The following GALNTL6 variants were observed in gnomAD, a reference collection of about 807,000 sequenced individuals.
GALNTL6 encodes the protein polypeptide N-acetylgalactosaminyltransferase-like 6.
Under a neutral mutation model 73.7 loss-of-function variants are expected in GALNTL6, and 46 were observed. The observed-to-expected ratio is 0.62, with a 90% CI of 0.49 to 0.80. GALNTL6 has a LOEUF of 0.80. Among genes scored for constraint, GALNTL6 ranks in the 30% least tolerant of loss-of-function variants. GALNTL6 has a pLI of 0.00. For synonymous variants in GALNTL6, 259 were observed against 263.7 expected (o/e 0.98, Z 0.17); for missense variants, 604 against 755.0 (o/e 0.80, Z 2.34).
At chr4:172,764,041 C>A (rs1470209486) in intron 5 of GALNTL6, among the ~76,000 whole-genome samples, 6 of 150,436 alleles carry the variant, frequency 4.0e-5, no homozygotes, top group African/African-American at 1.5e-4. Context: ...TCACAGCAAC[C>A]TCCATGTCCT....
intron 2 of GALNTL6, among the ~76,000 whole-genome samples, chr4:171,929,449 A>G (rs1380302453): frequency 1.3e-5 from 2 of 152,192 alleles, no homozygotes; most frequent in African/African-American, 4.8e-5. Flanking sequence ...ACAAGGGCCA[A>G]CTAGACTTGC....
intron 3 of GALNTL6, 65 bp from the exon 4 acceptor site, chr4:172,311,549 A>G (rs986767683): frequency 1.5e-5 from 21 of 1,360,724 alleles, no homozygotes; most frequent in Admixed American, 1.1e-4. Context: ...CAGTCTTCCT[A>G]TCTGTTCTAG....
At chr4:172,782,671 G>A (rs969340880) in intron 5 of GALNTL6, among the ~76,000 whole-genome samples, 7 of 152,052 alleles carry the variant, frequency 4.6e-5, no homozygotes, top group Admixed American at 3.9e-4. Context: ...TCTTCACACG[G>A]CTTCTTCGAA....
intron 2 of GALNTL6, among the ~76,000 whole-genome samples, chr4:172,168,546 A>T (rs1734706576): frequency 6.6e-6 from 1 of 151,990 alleles, no homozygotes. Flanking sequence ...GTTGATCAAG[A>T]TGGTGATGGT....
chr4:172,492,357 C>A (rs1733927841), intron 5 of GALNTL6, among the ~76,000 whole-genome samples: 1 of 152,090 alleles, frequency 6.6e-6, no homozygotes, highest in African/African-American at 2.4e-5. Flanking sequence ...CAGAAACTCA[C>A]ACTTCTGTCA....
chr4:173,006,241 G>C (rs1752281392), intron 10 of GALNTL6, among the ~76,000 whole-genome samples: 1 of 152,176 alleles, frequency 6.6e-6, no homozygotes, highest in South Asian at 2.1e-4. Context: ...CAAGTAGAGA[G>C]AAAAATAGTG....
intron 10 of GALNTL6, among the ~76,000 whole-genome samples, chr4:172,960,430 A>T (rs569885701): frequency 6.6e-6 from 1 of 152,346 alleles, no homozygotes; most frequent in South Asian, 2.1e-4. Flanking sequence ...GCAGAGGCTA[A>T]GGAAGAATTG....
intron 5 of GALNTL6, among the ~76,000 whole-genome samples, chr4:172,804,454 A>G (rs1006603970): frequency 6.6e-6 from 1 of 152,232 alleles, no homozygotes; most frequent in Non-Finnish European, 1.5e-5. Flanking sequence ...ATAGAAATCC[A>G]TATCTCCAGA....
At chr4:172,862,610 G>A (rs770799989) in intron 7 of GALNTL6, among the ~76,000 whole-genome samples, 6 of 152,130 alleles carry the variant, frequency 3.9e-5, no homozygotes, top group Non-Finnish European at 8.8e-5. Flanking sequence ...TGAGGCAGAA[G>A]AATCGCTTGA....
intron 2 of GALNTL6, among the ~76,000 whole-genome samples, chr4:172,005,679 G>T (rs1740822460): frequency 6.6e-6 from 1 of 151,934 alleles, no homozygotes; most frequent in South Asian, 2.1e-4. Context: ...TAAGGAACAT[G>T]GTCTAAGCTA....
chr4:172,796,176 C>CT (rs1264329403), intron 5 of GALNTL6, among the ~76,000 whole-genome samples: 1 of 151,792 alleles, frequency 6.6e-6, no homozygotes, highest in African/African-American at 2.4e-5. Context: ...ACATAATTCC[C>CT]TGTATTAAGT....
intron 2 of GALNTL6, among the ~76,000 whole-genome samples, chr4:172,213,161 A>G (rs779561557): frequency 1.4e-4 from 21 of 152,066 alleles, no homozygotes; most frequent in Non-Finnish European, 2.4e-4. Flanking sequence ...CATTGTATAG[A>G]TGTTCCAATT....
chr4:172,197,221 G>A (rs1380927061), intron 2 of GALNTL6, among the ~76,000 whole-genome samples: 2 of 151,796 alleles, frequency 1.3e-5, no homozygotes, highest in African/African-American at 2.4e-5. Context: ...ACCTAAGAAT[G>A]CATCTAACAA....
intron 5 of GALNTL6, among the ~76,000 whole-genome samples, chr4:172,622,719 G>A (rs1361956970): frequency 6.6e-6 from 1 of 152,098 alleles, no homozygotes; most frequent in Non-Finnish European, 1.5e-5. Flanking sequence ...GGAATCCCCA[G>A]GATGAGCATG....
At chr4:172,356,454 C>T (rs1742164693) in intron 5 of GALNTL6, among the ~76,000 whole-genome samples, 1 of 152,120 alleles carries the variant, frequency 6.6e-6, no homozygotes, top group African/African-American at 2.4e-5. Flanking sequence ...ATTGCATCTA[C>T]ACAATGGAAA....
intron 2 of GALNTL6, among the ~76,000 whole-genome samples, chr4:171,982,353 A>G (rs368314426): frequency 5.9e-5 from 9 of 152,252 alleles, no homozygotes; most frequent in East Asian, 5.8e-4. Flanking sequence ...GCTGGAGTGC[A>G]GTGGCGCGAT....
At chr4:172,272,039 G>A (rs552505486) in intron 3 of GALNTL6, among the ~76,000 whole-genome samples, 21 of 151,840 alleles carry the variant, frequency 1.4e-4, no homozygotes, top group Admixed American at 8.5e-4. Flanking sequence ...TGCAACCTCC[G>A]CCTCCCAGGT....
intron 2 of GALNTL6, among the ~76,000 whole-genome samples, chr4:172,178,475 T>C (rs1405493261): frequency 6.6e-6 from 1 of 152,004 alleles, no homozygotes; most frequent in African/African-American, 2.4e-5. Flanking sequence ...TGTGTGCATG[T>C]GTTCTCATTG....
chr4:172,812,686 T>C (rs1375437913), intron 6 of GALNTL6, among the ~76,000 whole-genome samples: 3 of 152,194 alleles, frequency 2.0e-5, no homozygotes, highest in Non-Finnish European at 2.9e-5. Flanking sequence ...AAAATTGGAT[T>C]GTTAAGCAGA....
Sources: gnomAD v4.1 joint callset for allele counts (sites outside exome capture counted in the v4.1 genomes callset) on GRCh38, gnomAD v4.1.1 for gene constraint, MANE v1.5 for transcripts, NCBI Gene and HGNC (gene_info 2026-07-23, HGNC 2026-07-21) for gene names.